The following LINGO2 variants were observed in gnomAD, a reference collection of about 807,000 sequenced individuals.
LINGO2 encodes the protein leucine rich repeat and Ig domain containing 2.
In LINGO2, 14 loss-of-function variants were observed where a neutral mutation model predicts 30.6. The ratio of observed to expected loss-of-function variants is 0.46; its 90% CI spans 0.30 to 0.72. The LOEUF (loss-of-function observed/expected upper bound fraction) is 0.72. LINGO2 is among the 30% of genes least tolerant of loss of function. The pLI is 0.07. For missense variants in LINGO2, 729 were observed against 751.7 expected (o/e 0.97, Z 0.35); for synonymous variants, 317 against 288.5 (o/e 1.10, Z -1.00).
intron 4 of LINGO2, among the ~76,000 whole-genome samples, chr9:28,028,393 G>A (rs535587097): frequency 6.6e-6 from 1 of 152,290 alleles, no homozygotes; most frequent in African/African-American, 2.4e-5. Flanking sequence ...ATCATGATGA[G>A]CTGGTAGGAT....
At chr9:28,257,419 A>C (rs1276427495) in intron 4 of LINGO2, among the ~76,000 whole-genome samples, 1 of 151,908 alleles carries the variant, frequency 6.6e-6, no homozygotes, top group Non-Finnish European at 1.5e-5. Context: ...TAAAAGAGAA[A>C]GGACTCTTTG....
chr9:28,862,111 A>T, the LINGO2 span, among the ~76,000 whole-genome samples: 1 of 152,120 alleles, frequency 6.6e-6, no homozygotes, highest in Non-Finnish European at 1.5e-5. Context: ...GCTCTAGGAC[A>T]AATTAATTTC....
chr9:28,090,857 T>G (rs1826059501), intron 4 of LINGO2, among the ~76,000 whole-genome samples: 1 of 152,198 alleles, frequency 6.6e-6, no homozygotes, highest in African/African-American at 2.4e-5. Flanking sequence ...ATAGGCAACT[T>G]CAGCAAAGTC....
At chr9:28,783,822 G>A in the LINGO2 span, among the ~76,000 whole-genome samples, 1 of 152,130 alleles carries the variant, frequency 6.6e-6, no homozygotes, top group East Asian at 1.9e-4. Context: ...CAGAGCTCTG[G>A]AAGCTGCACA....
intron 4 of LINGO2, among the ~76,000 whole-genome samples, chr9:28,054,103 G>A (rs993930254): frequency 6.6e-6 from 1 of 151,990 alleles, no homozygotes; most frequent in African/African-American, 2.4e-5. Context: ...ATGGGAGGTG[G>A]GGAGAAGCCT....
intron 1 of LINGO2, among the ~76,000 whole-genome samples, chr9:28,486,651 T>G (rs1295740351): frequency 6.6e-6 from 1 of 152,096 alleles, no homozygotes; most frequent in Non-Finnish European, 1.5e-5. Flanking sequence ...AGACATCTAG[T>G]TCTGTTATAA....
intron 5 of LINGO2, among the ~76,000 whole-genome samples, chr9:27,968,978 T>C (rs1174467165): frequency 6.6e-6 from 1 of 151,864 alleles, no homozygotes; most frequent in African/African-American, 2.4e-5. Context: ...TTTATTTATA[T>C]TTTGATAAAC....
intron 4 of LINGO2, among the ~76,000 whole-genome samples, chr9:28,288,861 G>A (rs1345510146): frequency 1.3e-5 from 2 of 152,128 alleles, no homozygotes; most frequent in Admixed American, 1.3e-4. Flanking sequence ...TGCTATTTAA[G>A]TATTTTTCAT....
the LINGO2 span, among the ~76,000 whole-genome samples, chr9:28,995,849 A>C: frequency 1.3e-5 from 2 of 150,686 alleles, no homozygotes. Flanking sequence ...GAAGGGGAAC[A>C]TCACACTCTG....
At chr9:28,782,362 C>A in the LINGO2 span, among the ~76,000 whole-genome samples, 3 of 152,172 alleles carry the variant, frequency 2.0e-5, no homozygotes, top group Non-Finnish European at 2.9e-5. Flanking sequence ...TTCATTCATT[C>A]ACTGTGCATT....
At chr9:28,172,113 C>A (rs1439481970) in intron 4 of LINGO2, among the ~76,000 whole-genome samples, 1 of 150,746 alleles carries the variant, frequency 6.6e-6, no homozygotes, top group African/African-American at 2.4e-5. Flanking sequence ...AATTCACGGC[C>A]CGGCGCGGTG....
At chr9:28,422,788 T>C (rs1299075098) in intron 2 of LINGO2, among the ~76,000 whole-genome samples, 2 of 152,090 alleles carry the variant, frequency 1.3e-5, no homozygotes, top group African/African-American at 4.8e-5. Context: ...CATTGGTAGA[T>C]GAATACATTA....
chr9:29,152,496 G>A, the LINGO2 span, among the ~76,000 whole-genome samples: 9 of 152,128 alleles, frequency 5.9e-5, no homozygotes, highest in African/African-American at 2.2e-4. Flanking sequence ...ACTAAATTGT[G>A]TCCTCCTTGG....
At chr9:28,307,752 G>C (rs1824429734) in intron 3 of LINGO2, among the ~76,000 whole-genome samples, 1 of 152,110 alleles carries the variant, frequency 6.6e-6, no homozygotes. Context: ...CAAAATCAAT[G>C]TACAAAAATG....
chr9:28,833,793 A>C, the LINGO2 span, among the ~76,000 whole-genome samples: 1 of 152,194 alleles, frequency 6.6e-6, no homozygotes, highest in African/African-American at 2.4e-5. Flanking sequence ...GTTTCTATTT[A>C]AGACAAGGGT....
the LINGO2 span, among the ~76,000 whole-genome samples, chr9:29,048,272 C>T: frequency 6.6e-6 from 1 of 151,564 alleles, no homozygotes. Flanking sequence ...TGAAAGATCT[C>T]TATAATGAAA....
At chr9:28,971,774 G>T in the LINGO2 span, among the ~76,000 whole-genome samples, 1 of 152,232 alleles carries the variant, frequency 6.6e-6, no homozygotes, top group Admixed American at 6.5e-5. Flanking sequence ...CCTGCCAGTT[G>T]TAGAGCTCCA....
At chr9:28,215,966 T>C (rs1005849155) in intron 4 of LINGO2, among the ~76,000 whole-genome samples, 1 of 151,850 alleles carries the variant, frequency 6.6e-6, no homozygotes, top group Non-Finnish European at 1.5e-5. Flanking sequence ...CTCAATGGCA[T>C]GGAGTTTTAA....
At chr9:28,810,426 A>T in the LINGO2 span, among the ~76,000 whole-genome samples, 1 of 152,310 alleles carries the variant, frequency 6.6e-6, no homozygotes, top group Non-Finnish European at 1.5e-5. Flanking sequence ...AAAATGATTC[A>T]AAGAATGTTT....
Sources: allele counts gnomAD v4.1 joint callset (sites outside exome capture counted in the v4.1 genomes callset), GRCh38; gene constraint gnomAD v4.1.1; transcripts MANE v1.5; gene names NCBI Gene and HGNC (gene_info 2026-07-23, HGNC 2026-07-21).